Variants in ERC1 observed in about 807,000 individuals in gnomAD.
ERC1 encodes ELKS/RAB6-interacting/CAST family member 1, also known as RAB6 interacting protein 2.
In ERC1, 56 loss-of-function variants were observed where a neutral mutation model predicts 132.0. The ratio of observed to expected loss-of-function variants is 0.42; its 90% confidence interval spans 0.34 to 0.53. ERC1 has a LOEUF of 0.53. Ranked by LOEUF, ERC1 falls within the 20% of genes least tolerant of loss-of-function variation. The pLI is 0.03. For synonymous variants in ERC1, 478 were observed against 476.1 expected (o/e 1.00, Z -0.05); for missense variants, 1,202 against 1,349.9 (o/e 0.89, Z 1.72).
chr12:1,020,954 G>A (rs1428409872), intron 1 of ERC1, among the ~76,000 whole-genome samples: 1 of 152,056 alleles, frequency 6.6e-6, no homozygotes, highest in African/African-American at 2.4e-5. Context: ...TATTTCTTTT[G>A]TTTGAGATGG....
intron 15 of ERC1, among the ~76,000 whole-genome samples, chr12:1,369,521 T>G (rs2086978126): frequency 6.6e-6 from 1 of 152,252 alleles, no homozygotes; most frequent in Admixed American, 6.5e-5. Context: ...TTCTGACTAT[T>G]GGTGCACAGA....
At chr12:1,264,674 A>G (rs1454656545) in intron 14 of ERC1, among the ~76,000 whole-genome samples, 7 of 152,170 alleles carry the variant, frequency 4.6e-5, no homozygotes, top group Non-Finnish European at 1.0e-4. Context: ...AAACAAAAAA[A>G]AAAAGATTTC....
At chr12:1,434,856 A>G (rs1197809914) in intron 17 of ERC1, among the ~76,000 whole-genome samples, 1 of 152,352 alleles carries the variant, frequency 6.6e-6, no homozygotes, top group Non-Finnish European at 1.5e-5. Context: ...ATTTTCAAAT[A>G]ATAAAGCTTT....
chr12:1,179,010 G>C (rs1433044572), intron 8 of ERC1, among the ~76,000 whole-genome samples: 1 of 152,112 alleles, frequency 6.6e-6, no homozygotes, highest in Admixed American at 6.6e-5. Context: ...TTTTCCTTTA[G>C]CTTATTAAGG....
At chr12:1,315,855 A>G (rs1336666908) in intron 15 of ERC1, among the ~76,000 whole-genome samples, 1 of 152,118 alleles carries the variant, frequency 6.6e-6, no homozygotes, top group Non-Finnish European at 1.5e-5. Context: ...TAACAATAAT[A>G]TCATTTCTAG....
At chr12:1,244,277 CAATT>C (rs1318126104) in intron 13 of ERC1, among the ~76,000 whole-genome samples, 5 of 152,078 alleles carry the variant, frequency 3.3e-5, no homozygotes, top group Non-Finnish European at 5.9e-5. Context: ...AGTAGAATAG[CAATT>C]AATTATGTCT....
chr12:1,204,953 A>T (rs569523406), intron 12 of ERC1, among the ~76,000 whole-genome samples: 11 of 152,298 alleles, frequency 7.2e-5, no homozygotes, highest in African/African-American at 2.4e-4. Context: ...TCAGACACAC[A>T]CACACCCACA....
intron 16 of ERC1, among the ~76,000 whole-genome samples, chr12:1,390,381 G>A (rs998132942): frequency 6.6e-6 from 1 of 151,864 alleles, no homozygotes; most frequent in South Asian, 2.1e-4. Flanking sequence ...AATACCAACT[G>A]TCTATTAATA....
At chr12:1,122,992 C>T (rs1385913468) in intron 7 of ERC1, among the ~76,000 whole-genome samples, 2 of 152,196 alleles carry the variant, frequency 1.3e-5, no homozygotes, top group African/African-American at 4.8e-5. Flanking sequence ...GCGTTCTGAT[C>T]TGGGAGGCTT....
intron 8 of ERC1, among the ~76,000 whole-genome samples, chr12:1,155,851 A>G (rs898777954): frequency 6.8e-6 from 1 of 147,452 alleles, no homozygotes; most frequent in Admixed American, 6.8e-5. Context: ...TGAGAGTAAT[A>G]TGTGTTCAAG....
intron 17 of ERC1, among the ~76,000 whole-genome samples, chr12:1,442,310 C>G (rs962856990): frequency 6.6e-6 from 1 of 152,234 alleles, no homozygotes; most frequent in African/African-American, 2.4e-5. Context: ...CCAGCTCCCC[C>G]ACTCTAAATT....
At position 1,206,344 on chromosome 12, in the gene ERC1, A is replaced by G. The variant is rs577769478; in HGVS notation, c.2351+16292A>G. On this transcript the variant is annotated intron_variant, in intron 12 of 18. Transcript: ENST00000360905. ...TTCATTATATGACCTTGGGCAAGAT[A>G]CTTAACCTTTCCATGTTTATTTTAA... 3.4e-4 allele frequency among the ~76,000 whole-genome samples: 51 copies of G among 152,218 alleles called. No homozygotes were observed. In the South Asian group the frequency reaches 9.7e-3, roughly 29 times the overall value.
intron 4 of ERC1, among the ~76,000 whole-genome samples, chr12:1,105,846 T>G (rs1477402567): frequency 2.0e-5 from 3 of 152,228 alleles, no homozygotes; most frequent in African/African-American, 7.2e-5. Flanking sequence ...ACTAGCAGTT[T>G]TGCCCATCAT....
intron 3 of ERC1, among the ~76,000 whole-genome samples, chr12:1,090,869 A>G (rs28420095): frequency 0.54 from 594 of 1,110 alleles, 147 homozygotes; most frequent in East Asian, 0.88. Context: ...TGTTGTTGTT[A>G]TTATTATTAT....
In ERC1 at chr12:1,444,308, G is replaced by A. The variant is rs553231505; in HGVS notation, c.3025-254G>A. On this transcript the variant is annotated intron_variant, in intron 17 of 18. Transcript: ENST00000360905. ...TTCCTGCCTCGATACAGAGCTGTCCGTCTGGTGTGAATATATGAAGCCAGC... is the reference window on the plus strand; with the variant it reads ...TTCCTGCCTCGATACAGAGCTGTCCATCTGGTGTGAATATATGAAGCCAGC... 200 of 328,126 alleles carry A rather than the reference G, an allele frequency of 6.1e-4. 1 individual carries two copies. Among genetic ancestry groups the A allele is most frequent in the African/African-American group, 3.9e-3 (186 of 47,202 alleles). The allele number at this position is 328,126 out of a possible 1,614,324, so 20.3% of individuals were successfully genotyped here.
chr12:1,204,946 G>GAC (rs1340429219), intron 12 of ERC1, among the ~76,000 whole-genome samples: 1 of 151,980 alleles, frequency 6.6e-6, no homozygotes, highest in Non-Finnish European at 1.5e-5. Context: ...CGAACTTTCA[G>GAC]ACACACACAC....
At chr12:1,342,492 G>A (rs866473992) in intron 15 of ERC1, among the ~76,000 whole-genome samples, 17 of 145,700 alleles carry the variant, frequency 1.2e-4, no homozygotes, top group Middle Eastern at 3.6e-3. Context: ...ACAAAAAAAA[G>A]ATAAAGCAAA....
intron 15 of ERC1, among the ~76,000 whole-genome samples, chr12:1,297,770 T>A: frequency 1.3e-5 from 2 of 151,288 alleles, no homozygotes. Flanking sequence ...AGAAAATGTA[T>A]TTTTTCTTCT....
At chr12:1,391,644 A>G (rs548148067) in intron 16 of ERC1, 4 of 152,438 alleles carry the variant, frequency 2.6e-5, no homozygotes, top group Non-Finnish European at 5.9e-5. Context: ...GAGAGGCTGA[A>G]GCACCTCCTC....
Sources: allele counts gnomAD v4.1 joint callset (sites outside exome capture counted in the v4.1 genomes callset), GRCh38; gene constraint gnomAD v4.1.1; transcripts MANE v1.5; gene names NCBI Gene and HGNC (gene_info 2026-07-23, HGNC 2026-07-21).